Variants in ERCC4 observed in about 807,000 individuals in gnomAD.
The protein encoded by ERCC4 is ERCC excision repair 4, endonuclease catalytic subunit, also known as DNA repair endonuclease XPF.
Under a neutral mutation model 76.9 loss-of-function variants are expected in ERCC4, and 65 were observed. The ratio of observed to expected loss-of-function variants is 0.84; its 90% confidence interval spans 0.69 to 1.04. The LOEUF (loss-of-function observed/expected upper bound fraction) is 1.04. Ranked by LOEUF, ERCC4 falls within the 50% of genes least tolerant of loss-of-function variation. The pLI is 0.00. For missense variants in ERCC4, 1,214 were observed against 1,128.2 expected (o/e 1.08, Z -1.09); for synonymous variants, 463 against 410.1 (o/e 1.13, Z -1.56).
rs770644250 is a variant in ERCC4, at chr16:13,948,359, T to A, written c.*12T>A. 6.2e-7 allele frequency: 1 copy of A among 1,606,208 alleles called. No homozygotes were observed. The highest frequency in any genetic ancestry group is 8.5e-7 in the Non-Finnish European group (1 of 1,179,908). ...AAGGGAAAAAGTGAACAGTGATGGC[T>A]GTTTTCTTATCCCATGCCTGTACTT... On this transcript the variant is annotated 3_prime_UTR_variant, in exon 11 of 11. Coordinates refer to ENST00000311895, the MANE Select transcript of ERCC4 (RefSeq NM_005236.3).
chr16:13,920,236 T>C lies in ERCC4; in HGVS notation c.71T>C (p.Leu24Pro). ...CTGGAGTACGAGCGACAGCTGGTGC[T>C]GGAACTGCTCGACACTGACGGGCTA... ...PLLEYERQLVLELLDTDGLVV... is the reference protein window; with the variant it reads ...PLLEYERQLVPELLDTDGLVV... The change falls in exon 1 of 11, where the codon CTG becomes CCG. Residue 24 changes from leucine (L) to proline (P), a missense_variant. Leu to Pro is a moderately conservative substitution (Grantham distance 98). Transcript: ENST00000311895. 6.2e-7 allele frequency: 1 copy of C among 1,608,010 alleles called. No homozygotes were observed. Among genetic ancestry groups the C allele is most frequent in the Non-Finnish European group, 8.5e-7 (1 of 1,179,956 alleles).
rs1414232832 is a variant in ERCC4 at position 13,935,261 on chromosome 16, T to C, written c.1329T>C (p.Asp443=). ...LRLYRKTFEK[D]SKAEEVWMKF... ...TCTACAGGAAAACCTTTGAGAAGGATAGCAAAGCTGAAGAAGTCTGGATGA... is the reference window on the plus strand; with the variant it reads ...TCTACAGGAAAACCTTTGAGAAGGACAGCAAAGCTGAAGAAGTCTGGATGA... The change falls in exon 8 of 11, where the codon GAT becomes GAC. Residue 443 remains aspartate (D), a synonymous_variant. Transcript: ENST00000311895. 5 of 1,613,924 alleles carry C rather than the reference T, an allele frequency of 3.1e-6. No homozygotes were observed. The highest frequency in any genetic ancestry group is 4.2e-6 in the Non-Finnish European group (5 of 1,179,984).
intron 10 of ERCC4, 116 bp from the exon 11 acceptor site, chr16:13,947,498 A>T: frequency 9.3e-7 from 1 of 1,074,456 alleles, no homozygotes; most frequent in Non-Finnish European, 1.4e-6. Context: ...ATATTACCAT[A>T]TAGAATTATG....
At chr16:13,922,392 T>A in intron 2 of ERCC4, 181 bp downstream of exon 2, 2 of 758,974 alleles carry the variant, frequency 2.6e-6, no homozygotes, top group Non-Finnish European at 4.8e-6. Flanking sequence ...TGGGTGGGGG[T>A]GTTCGGTCCT....
intron 3 of ERCC4, 116 bp downstream of exon 3, chr16:13,926,872 G>C: frequency 1.2e-6 from 1 of 856,078 alleles, no homozygotes; most frequent in Admixed American, 1.9e-5. Flanking sequence ...TTGTAATTTT[G>C]TTTGATAGAA....
At chr16:13,925,250 C>T (rs572736117) in intron 2 of ERCC4, among the ~76,000 whole-genome samples, 4 of 152,236 alleles carry the variant, frequency 2.6e-5, no homozygotes, top group South Asian at 2.1e-4. Context: ...CTTTTTGGAG[C>T]GCAACATTTT....
intron 5 of ERCC4, chr16:13,931,566 G>A (rs1237431957): frequency 6.4e-6 from 1 of 156,600 alleles, no homozygotes; most frequent in Non-Finnish European, 1.4e-5. Context: ...TACAATTATG[G>A]AGCATTCTTA....
At chr16:13,941,372 A>AAAGT (rs2032410599) in intron 9 of ERCC4, among the ~76,000 whole-genome samples, 2 of 152,240 alleles carry the variant, frequency 1.3e-5, no homozygotes, top group Non-Finnish European at 1.5e-5. Flanking sequence ...CTTTCCCAGG[A>AAAGT]AACTTGGGAA....
intron 10 of ERCC4, among the ~76,000 whole-genome samples, chr16:13,945,137 G>A (rs898820024): frequency 7.9e-5 from 12 of 152,164 alleles, no homozygotes; most frequent in African/African-American, 2.7e-4. Flanking sequence ...GACTCAGAAT[G>A]TACTTTTGCA....
At position 13,935,264 on chromosome 16, in the gene ERCC4, C is replaced by T; in HGVS notation, c.1332C>T (p.Ser444=). The change falls in exon 8 of 11, where the codon AGC becomes AGT. Residue 444 remains serine (S), a synonymous_variant. Coordinates refer to ENST00000311895, the MANE Select transcript of ERCC4 (RefSeq NM_005236.3). ...RLYRKTFEKD[S]KAEEVWMKFR... ...ACAGGAAAACCTTTGAGAAGGATAG[C>T]AAAGCTGAAGAAGTCTGGATGAAAT... 1 of 1,613,946 alleles carries T rather than the reference C, an allele frequency of 6.2e-7. No individual in the cohort carries two copies. Among genetic ancestry groups the T allele is most frequent in the Admixed American group, 1.7e-5 (1 of 60,008 alleles).
At chr16:13,934,034 C>G in intron 6 of ERCC4, 158 bp from the exon 7 acceptor site, 2 of 577,002 alleles carry the variant, frequency 3.5e-6, no homozygotes, top group Non-Finnish European at 6.1e-6. Context: ...TTAAGTAGAT[C>G]TTTTTCAGGA....
At chr16:13,940,381 C>T (rs1567250393) in intron 9 of ERCC4, among the ~76,000 whole-genome samples, 1 of 148,320 alleles carries the variant, frequency 6.7e-6, no homozygotes, top group Non-Finnish European at 1.5e-5. Context: ...GAGTGACCCC[C>T]GTCTCAAAAA....
In ERCC4 at chr16:13,948,527, C is replaced by G. The variant is rs2032570525; in HGVS notation, c.*180C>G. 2 of 695,010 alleles carry G rather than the reference C, an allele frequency of 2.9e-6. No homozygotes were observed. The highest frequency in any genetic ancestry group is 4.8e-6 in the Non-Finnish European group (2 of 413,104). The allele number at this position is 695,010 out of a possible 1,614,324, so 43.1% of individuals were successfully genotyped here. On this transcript the variant is annotated 3_prime_UTR_variant, in exon 11 of 11. Transcript: ENST00000311895. ...ACTCTGCAGTTAGGCATCACTTGAA[C>G]TTGCCTGTGCCTGCTCTTTTTCCTC...
chr16:13,924,693 A>T (rs944442769), intron 2 of ERCC4, among the ~76,000 whole-genome samples: 2 of 152,210 alleles, frequency 1.3e-5, no homozygotes, highest in African/African-American at 4.8e-5. Flanking sequence ...TTGGTGATAA[A>T]GATAGTACCT....
rs766200743 is a variant in ERCC4, at chr16:13,948,211, A to G, written c.2615A>G (p.Asn872Ser). 6.2e-7 allele frequency: 1 copy of G among 1,614,186 alleles called. No homozygotes were observed. Among genetic ancestry groups the G allele is most frequent in the Non-Finnish European group, 8.5e-7 (1 of 1,180,038 alleles). Residue 872 changes from asparagine (N) to serine (S), a missense_variant, in exon 11 of 11, where the codon AAC (asparagine) becomes AGC (serine). By Grantham distance (46) the Asn-to-Ser change is conservative (BLOSUM62 1). Transcript: ENST00000311895. The part of the protein sequence containing the change: ...NCRSLMHHVK[N>S]IAELAALSQD... ...CGCTCCTTGATGCACCACGTTAAGAACATCGCAGAATTAGCAGCCCTGTCA... is the reference window on the plus strand; with the variant it reads ...CGCTCCTTGATGCACCACGTTAAGAGCATCGCAGAATTAGCAGCCCTGTCA...
chr16:13,944,911 G>A, intron 10 of ERCC4, 76 bp downstream of exon 10: 1 of 968,986 alleles, frequency 1.0e-6, no homozygotes, highest in East Asian at 2.4e-5. Flanking sequence ...CTCTGCCAAG[G>A]CTTGGTCTGT....
rs111887106 is a variant in ERCC4 at position 13,931,974 on chromosome 16, C to T, written c.974-183C>T. ...TATCTTGGGGGCCCCTGGGAGTTCA[C>T]GGACCACACCCAGAAAACCACTGGT... On this transcript the variant is annotated intron_variant, in intron 5 of 10. Coordinates refer to ENST00000311895, the MANE Select transcript of ERCC4 (RefSeq NM_005236.3). 624 of 625,902 alleles carry T rather than the reference C, an allele frequency of 1.0e-3. 7 individuals are homozygous for T. Among genetic ancestry groups the T allele is most frequent in the African/African-American group, 8.6e-3 (470 of 54,940 alleles). The allele number at this position is 625,902 out of a possible 1,614,324, so 38.8% of individuals were successfully genotyped here.
At position 13,935,313 on chromosome 16, in the gene ERCC4, A is replaced by C. The variant is rs764936603; in HGVS notation, c.1381A>C (p.Arg461=). ...ATTTAGGAAGGAAGACAGTTCAAAG[A>C]GAATTAGGAAATCTCACAAAAGACC... is the stretch of plus-strand genomic sequence containing the variant. ...MKFRKEDSSK[R]IRKSHKRPKD... is the part of the protein sequence containing the mutation. Residue 461 remains arginine, a synonymous_variant, in exon 8 of 11, where the codon AGA becomes CGA. Coordinates refer to ENST00000311895, the MANE Select transcript of ERCC4 (RefSeq NM_005236.3). 3 of 1,614,034 alleles carry C rather than the reference A, an allele frequency of 1.9e-6. No homozygotes were observed. Among genetic ancestry groups the C allele is most frequent in the Non-Finnish European group, 2.5e-6 (3 of 1,180,006 alleles).
intron 3 of ERCC4, 83 bp from the exon 4 acceptor site, chr16:13,927,945 T>TA (rs1422671781): frequency 4.3e-6 from 4 of 928,578 alleles, no homozygotes; most frequent in Non-Finnish European, 7.0e-6. Flanking sequence ...GTAGCATTTA[T>TA]AAAAATGGGG....
Sources: gnomAD v4.1 joint callset for allele counts (sites outside exome capture counted in the v4.1 genomes callset) on GRCh38, gnomAD v4.1.1 for gene constraint, MANE v1.5 for transcripts, NCBI Gene and HGNC (gene_info 2026-07-23, HGNC 2026-07-21) for gene names.